Variants in BCR observed in about 807,000 individuals in gnomAD.
BCR encodes breakpoint cluster region protein.
In BCR, 58 loss-of-function variants were observed where a neutral mutation model predicts 138.6. The ratio of observed to expected loss-of-function variants is 0.42; its 90% CI spans 0.34 to 0.52. BCR has a LOEUF of 0.52. Among genes scored for constraint, BCR ranks in the 20% least tolerant of loss-of-function variants. The pLI is 0.06. For synonymous variants in BCR, 786 were observed against 730.1 expected (o/e 1.08, Z -1.23); for missense variants, 1,599 against 1,727.2 (o/e 0.93, Z 1.32).
intron 8 of BCR, among the ~76,000 whole-genome samples, chr22:23,282,198 C>T (rs917979573): frequency 1.3e-5 from 2 of 152,254 alleles, no homozygotes; most frequent in African/African-American, 4.8e-5. Context: ...GATCTGGTCC[C>T]CACTGCAGAC....
At chr22:23,206,164 C>G (rs1602013274) in intron 1 of BCR, among the ~76,000 whole-genome samples, 1 of 152,286 alleles carries the variant, frequency 6.6e-6, no homozygotes, top group South Asian at 2.1e-4. Context: ...AATGAATATT[C>G]CCTGAAACAA....
At chr22:23,238,500 G>A (rs2073050937) in intron 1 of BCR, among the ~76,000 whole-genome samples, 3 of 152,066 alleles carry the variant, frequency 2.0e-5, no homozygotes, top group African/African-American at 4.8e-5. Context: ...CTGAAGTTGG[G>A]GATCCTCCTT....
intron 8 of BCR, among the ~76,000 whole-genome samples, chr22:23,277,379 T>C (rs1438199271): frequency 6.6e-6 from 1 of 152,038 alleles, no homozygotes; most frequent in African/African-American, 2.4e-5. Flanking sequence ...GCCCCTCGGG[T>C]GTGTTACTCT....
chr22:23,295,536 C>CT (rs1444998659), intron 16 of BCR, among the ~76,000 whole-genome samples: 2 of 151,956 alleles, frequency 1.3e-5, no homozygotes, highest in African/African-American at 4.8e-5. Context: ...GTCCCAGAGG[C>CT]TGCCTGCAAG....
In BCR at chr22:23,270,867, C is replaced by T. The variant is rs556107166; in HGVS notation, c.1861-665C>T. ...ACAGCCTAGGCTATTCACTTACAAG[C>T]CCTGCTTTTGCCCTGGGAATCTTAG... On this transcript the variant is annotated intron_variant, in intron 5 of 22. Coordinates refer to ENST00000305877, the MANE Select transcript of BCR (RefSeq NM_004327.4). 4.6e-5 allele frequency among the ~76,000 whole-genome samples: 7 copies of T among 152,362 alleles called. No individual in the cohort carries two copies. The South Asian group carries it at 1.2e-3, about 27-fold the overall frequency.
At chr22:23,195,204 T>G (rs2072463500) in intron 1 of BCR, among the ~76,000 whole-genome samples, 2 of 151,864 alleles carry the variant, frequency 1.3e-5, no homozygotes, top group African/African-American at 2.4e-5. Context: ...GCGGATCACC[T>G]GAGGTCGGGA....
chr22:23,217,380 T>C (rs985680296), intron 1 of BCR, among the ~76,000 whole-genome samples: 3 of 152,210 alleles, frequency 2.0e-5, no homozygotes, highest in Non-Finnish European at 2.9e-5. Flanking sequence ...CATCCAGAGA[T>C]AGTGACCACA....
intron 16 of BCR, among the ~76,000 whole-genome samples, chr22:23,307,139 A>T (rs1490487438): frequency 2.0e-5 from 3 of 152,222 alleles, no homozygotes; most frequent in African/African-American, 4.8e-5. Flanking sequence ...TTTGTTGCGC[A>T]GGCTGGAGTG....
At chr22:23,225,065 A>C (rs1459867169) in intron 1 of BCR, among the ~76,000 whole-genome samples, 1 of 151,734 alleles carries the variant, frequency 6.6e-6, no homozygotes, top group African/African-American at 2.4e-5. Flanking sequence ...AGCAGGAGGC[A>C]GCCAAGCCTG....
chr22:23,270,335 A>C (rs527365479), intron 5 of BCR, among the ~76,000 whole-genome samples: 5 of 152,130 alleles, frequency 3.3e-5, no homozygotes, highest in Non-Finnish European at 5.9e-5. Context: ...GGGCTTTGGG[A>C]GTCAGGCCAG....
At chr22:23,268,767 ACTCTTTGCACTGTCTGTC>A (rs1859213175) in intron 5 of BCR, among the ~76,000 whole-genome samples, 1 of 151,652 alleles carries the variant, frequency 6.6e-6, no homozygotes, top group African/African-American at 2.4e-5. Flanking sequence ...TTCCGGGGAC[ACTCTTTGCACTGTCTGTC>A]TGCAGTGAGG....
intron 4 of BCR, 51 bp downstream of exon 4, chr22:23,261,591 C>T (rs780552587): frequency 1.3e-6 from 2 of 1,580,688 alleles, no homozygotes; most frequent in Non-Finnish European, 1.7e-6. Context: ...CCACCACGTC[C>T]AGCTAATTTT....
At chr22:23,262,890 G>A in intron 4 of BCR, 14 of 1,073,036 alleles carry the variant, frequency 1.3e-5, no homozygotes, top group Non-Finnish European at 1.5e-5. Flanking sequence ...CGGGCCGGGG[G>A]CTGAGGCGGG....
At position 23,284,922 on chromosome 22, in the gene BCR, C is replaced by T; in HGVS notation, c.2238-111C>T. 3.2e-6 allele frequency: 4 copies of T among 1,236,484 alleles called. No homozygotes were observed. The South Asian group carries it at 4.4e-5, about 14-fold the overall frequency. The allele number at this position is 1,236,484 out of a possible 1,614,324, so 76.6% of individuals were successfully genotyped here. Reference sequence around the variant, plus strand: ...ATGGAACACGTGCTGGGTTTTAGGTCAGGTAAACCATGTATGGCCGAGAAC... The same window carrying T: ...ATGGAACACGTGCTGGGTTTTAGGTTAGGTAAACCATGTATGGCCGAGAAC... On this transcript the variant is annotated intron_variant, in intron 9 of 22. Coordinates refer to ENST00000305877, the MANE Select transcript of BCR (RefSeq NM_004327.4).
At chr22:23,260,911 C>T (rs1358672421) in intron 2 of BCR, 39 bp from the exon 3 acceptor site, 2 of 1,584,332 alleles carry the variant, frequency 1.3e-6, no homozygotes, top group African/African-American at 1.3e-5. Context: ...AATCCCCCTA[C>T]CACCCTTCCA....
chr22:23,258,260 C>T (rs1056639582), intron 2 of BCR, among the ~76,000 whole-genome samples: 6 of 152,018 alleles, frequency 3.9e-5, no homozygotes, highest in African/African-American at 1.4e-4. Flanking sequence ...AAAAGGTGGC[C>T]CAGGAAGGCT....
In BCR at chr22:23,253,932, G is replaced by A. The variant is rs377682973; in HGVS notation, c.1413G>A (p.Arg471=). 2.5e-6 allele frequency: 4 copies of A among 1,613,036 alleles called. No homozygotes were observed. Among genetic ancestry groups the A allele is most frequent in the Non-Finnish European group, 3.4e-6 (4 of 1,179,994 alleles). The change falls in exon 2 of 23, where the codon AGG becomes AGA. Residue 471 remains arginine (R), a synonymous_variant. Transcript: ENST00000305877. The part of the protein sequence containing the change: ...SSSPHLSSKG[R]GSRDALVSGA... ...CGCCCCACCTCAGCAGCAAGGGCAG[G>A]GGCAGCCGGGATGCGCTGGTCTCGG...
Position 23,180,925 on chromosome 22 carries a change from G to A in BCR, c.-36G>A. ...GCGCCGCCGCTGAGACGGGCCCCGC[G>A]CGCAGCCCGGCGGCGCAGGTAAGGC... On this transcript the variant is annotated 5_prime_UTR_variant, in exon 1 of 23. Transcript: ENST00000305877. 1 of 1,107,760 alleles carries A rather than the reference G, an allele frequency of 9.0e-7. No individual in the cohort carries two copies. 68.6% of individuals were successfully genotyped at this position (1,107,760 alleles called of 1,614,324 possible).
rs774011040 is a variant in BCR, at chr22:23,314,083, C to T, written c.3563+10C>T. 4 of 1,608,748 alleles carry T rather than the reference C, an allele frequency of 2.5e-6. No homozygotes were observed. In the Admixed American group the frequency reaches 6.7e-5, roughly 27 times the overall value. ...TGGACCACCTGAAAAGGTAGCCCAGCTCTCCCATGGCAGCCCAGGGCTCCA... is the reference window on the plus strand; with the variant it reads ...TGGACCACCTGAAAAGGTAGCCCAGTTCTCCCATGGCAGCCCAGGGCTCCA... On this transcript the variant is annotated intron_variant, in intron 21 of 22. Transcript: ENST00000305877.
Sources: gnomAD v4.1 joint callset for allele counts (sites outside exome capture counted in the v4.1 genomes callset) on GRCh38, gnomAD v4.1.1 for gene constraint, MANE v1.5 for transcripts, NCBI Gene and HGNC (gene_info 2026-07-23, HGNC 2026-07-21) for gene names.